The following PDGFC variants were observed in gnomAD, a reference collection of about 807,000 sequenced individuals.
PDGFC encodes the protein platelet derived growth factor C.
Under a neutral mutation model 35.5 loss-of-function variants are expected in PDGFC, and 12 were observed. The observed-to-expected ratio is 0.34, with a 90% CI of 0.22 to 0.55. The LOEUF is 0.55. Ranked by LOEUF, PDGFC falls within the 20% of genes least tolerant of loss-of-function variation. The pLI, the probability that PDGFC is intolerant of heterozygous loss-of-function variation, is 0.91. For missense variants in PDGFC, 322 were observed against 412.4 expected (o/e 0.78, Z 1.90); for synonymous variants, 159 against 148.8 (o/e 1.07, Z -0.50).
rs147555353 is a variant in PDGFC at position 156,817,196 on chromosome 4, A to T, written c.315-6179T>A. ...TATAAACCATGAGGTCAACTTACAAAGCTAGAAAAATTAAGCAAATCAAAA... is the reference window on the plus strand; with the variant it reads ...TATAAACCATGAGGTCAACTTACAATGCTAGAAAAATTAAGCAAATCAAAA... On this transcript the variant is annotated intron_variant, in intron 2 of 5. Transcript: ENST00000502773. Among the ~76,000 whole-genome samples, 264 of 152,290 alleles carry T rather than the reference A, an allele frequency of 1.7e-3. 1 individual carries two copies. The highest frequency in any genetic ancestry group is 6.3e-3 in the African/African-American group (261 of 41,572).
intron 1 of PDGFC, among the ~76,000 whole-genome samples, chr4:156,895,378 T>TA (rs1157913796): frequency 3.9e-5 from 6 of 152,178 alleles, no homozygotes; most frequent in African/African-American, 1.4e-4. Flanking sequence ...CTCATACCTG[T>TA]AATCCCAGCA....
At chr4:156,922,275 T>C (rs1467041969) in intron 1 of PDGFC, among the ~76,000 whole-genome samples, 1 of 152,006 alleles carries the variant, frequency 6.6e-6, no homozygotes, top group Non-Finnish European at 1.5e-5. Flanking sequence ...TCATGTGTAC[T>C]GAATTGGGAA....
intron 1 of PDGFC, among the ~76,000 whole-genome samples, chr4:156,946,444 A>C (rs1285139065): frequency 6.6e-6 from 1 of 152,094 alleles, no homozygotes; most frequent in Non-Finnish European, 1.5e-5. Context: ...AGCATGCTAT[A>C]GTGAGGTTTC....
chr4:156,832,325 C>T (rs1272404786), intron 2 of PDGFC, among the ~76,000 whole-genome samples: 1 of 146,660 alleles, frequency 6.8e-6, no homozygotes. Flanking sequence ...GGCACGATCT[C>T]GGCTCACCAC....
intron 1 of PDGFC, among the ~76,000 whole-genome samples, chr4:156,901,882 A>G (rs62331506): frequency 0.61 from 92,917 of 151,992 alleles, 28,596 homozygotes; most frequent in East Asian, 0.71. Flanking sequence ...AAAGTTCTGG[A>G]ATTATAGGCA....
chr4:156,774,022 A>C (rs573701236), intron 3 of PDGFC, among the ~76,000 whole-genome samples: 133 of 152,036 alleles, frequency 8.7e-4, no homozygotes, highest in African/African-American at 3.1e-3. Context: ...ACCTTTAATC[A>C]TTTTTCTCTC....
intron 1 of PDGFC, among the ~76,000 whole-genome samples, chr4:156,941,838 T>C (rs1731814033): frequency 6.6e-6 from 1 of 151,854 alleles, no homozygotes; most frequent in Non-Finnish European, 1.5e-5. Context: ...AATAATAAGG[T>C]GATATGGTCT....
Position 156,878,300 on chromosome 4 carries a change from G to A in PDGFC, c.119-27884C>T, listed in dbSNP as rs187399882. 2.4e-3 allele frequency among the ~76,000 whole-genome samples: 369 copies of A among 152,276 alleles called. 4 individuals carry two copies. Among genetic ancestry groups the A allele is most frequent in the African/African-American group, 8.5e-3 (354 of 41,568 alleles). ...TGAGAGCAAGGAGCAGTGAAGTCCAGTCACCAGATCCAATCATTCCGTGCT... is the reference window on the plus strand; with the variant it reads ...TGAGAGCAAGGAGCAGTGAAGTCCAATCACCAGATCCAATCATTCCGTGCT... On this transcript the variant is annotated intron_variant, in intron 1 of 5. Transcript: ENST00000502773.
intron 1 of PDGFC, among the ~76,000 whole-genome samples, chr4:156,909,835 A>G (rs1230136990): frequency 6.6e-6 from 1 of 152,182 alleles, no homozygotes; most frequent in Non-Finnish European, 1.5e-5. Flanking sequence ...TTCTTAAGTT[A>G]AATCTTGAGA....
intron 1 of PDGFC, among the ~76,000 whole-genome samples, chr4:156,908,022 C>T (rs562151482): frequency 6.6e-6 from 1 of 152,178 alleles, no homozygotes; most frequent in South Asian, 2.1e-4. Context: ...CAAAAATTAG[C>T]TGGGCATGGC....
intron 2 of PDGFC, among the ~76,000 whole-genome samples, chr4:156,832,735 CAAAGT>C (rs1728975009): frequency 6.6e-6 from 1 of 152,162 alleles, no homozygotes. Context: ...ACCAAACTTG[CAAAGT>C]ACAGTATTTC....
rs559181027 is a variant in PDGFC, at chr4:156,840,730, C to T, written c.314+9491G>A. 3.0e-4 allele frequency among the ~76,000 whole-genome samples: 45 copies of T among 152,304 alleles called. 1 individual carries two copies. The South Asian group carries it at 8.9e-3, about 30-fold the overall frequency. ...CAGCTGAGAGTGGGGCTGTACCCTG[C>T]AAAGCCACAGGGGCAGAGCTGCCCA... On this transcript the variant is annotated intron_variant, in intron 2 of 5. Transcript: ENST00000502773.
At chr4:156,903,183 A>G (rs561911930) in intron 1 of PDGFC, among the ~76,000 whole-genome samples, 1 of 152,070 alleles carries the variant, frequency 6.6e-6, no homozygotes, top group Non-Finnish European at 1.5e-5. Flanking sequence ...TATTTCAAAG[A>G]AACCTTAATT....
intron 1 of PDGFC, among the ~76,000 whole-genome samples, chr4:156,929,375 G>C (rs1163782606): frequency 6.7e-6 from 1 of 149,662 alleles, no homozygotes; most frequent in Non-Finnish European, 1.5e-5. Flanking sequence ...TATTAGTTGG[G>C]AAGAAAAGAG....
chr4:156,820,215 A>G (rs932148761), intron 2 of PDGFC, among the ~76,000 whole-genome samples: 1 of 152,218 alleles, frequency 6.6e-6, no homozygotes, highest in African/African-American at 2.4e-5. Flanking sequence ...CCATAAACTT[A>G]GTTGATAGAG....
intron 1 of PDGFC, among the ~76,000 whole-genome samples, chr4:156,928,711 A>G (rs1274831837): frequency 1.3e-5 from 2 of 152,246 alleles, no homozygotes; most frequent in Non-Finnish European, 2.9e-5. Context: ...TTAAGAGACT[A>G]TGAGAAATAT....
intron 2 of PDGFC, among the ~76,000 whole-genome samples, chr4:156,822,784 G>A (rs761740851): frequency 1.6e-4 from 24 of 151,894 alleles, no homozygotes; most frequent in Non-Finnish European, 2.9e-4. Flanking sequence ...TTTTTGAGAT[G>A]GAGTTTTGCT....
intron 2 of PDGFC, among the ~76,000 whole-genome samples, chr4:156,817,703 C>A (rs1732128464): frequency 6.6e-6 from 1 of 151,868 alleles, no homozygotes; most frequent in African/African-American, 2.4e-5. Context: ...CATATCATTC[C>A]AATTTTATAT....
At chr4:156,966,628 T>G (rs1732473041) in intron 1 of PDGFC, among the ~76,000 whole-genome samples, 1 of 151,448 alleles carries the variant, frequency 6.6e-6, no homozygotes, top group Non-Finnish European at 1.5e-5. Flanking sequence ...ACAGAAGATA[T>G]TTAAGAAATA....
Sources: gnomAD v4.1 joint callset for allele counts (sites outside exome capture counted in the v4.1 genomes callset) on GRCh38, gnomAD v4.1.1 for gene constraint, MANE v1.5 for transcripts, NCBI Gene and HGNC (gene_info 2026-07-23, HGNC 2026-07-21) for gene names.